KIAA1217: variants seen among roughly 807,000 people sequenced by gnomAD.
The protein encoded by KIAA1217 is sickle tail protein homolog.
Under a neutral mutation model 163.9 loss-of-function variants are expected in KIAA1217, and 88 were observed. The ratio of observed to expected loss-of-function variants is 0.54; its 90% CI spans 0.45 to 0.64. KIAA1217 has a LOEUF of 0.64. Ranked by LOEUF, KIAA1217 falls within the 30% of genes least tolerant of loss-of-function variation. The pLI, the probability that KIAA1217 is intolerant of heterozygous loss-of-function variation, is 0.00. For missense variants in KIAA1217, 2,372 were observed against 2,475.0 expected (o/e 0.96, Z 0.88); for synonymous variants, 903 against 923.1 (o/e 0.98, Z 0.39).
chr10:23,850,495 A>T (rs904050204), intron 1 of KIAA1217, among the ~76,000 whole-genome samples: 1 of 152,132 alleles, frequency 6.6e-6, no homozygotes, highest in Non-Finnish European at 1.5e-5. Context: ...CCTCTGCACT[A>T]CTCAACTGTG....
At chr10:24,234,762 C>A (rs1342330587) in intron 2 of KIAA1217, among the ~76,000 whole-genome samples, 1 of 151,716 alleles carries the variant, frequency 6.6e-6, no homozygotes, top group African/African-American at 2.4e-5. Context: ...CGTCCACTAG[C>A]ATTTAGTGTA....
At chr10:23,777,041 A>G (rs923557127) in intron 1 of KIAA1217, among the ~76,000 whole-genome samples, 9 of 152,104 alleles carry the variant, frequency 5.9e-5, no homozygotes, top group African/African-American at 2.2e-4. Flanking sequence ...AATTTCTCTC[A>G]TGAGCATATC....
chr10:24,026,742 A>ATTTTTTTTTTTTTTTTTTTTTTTTCTTTT, intron 2 of KIAA1217, among the ~76,000 whole-genome samples: 1 of 70,082 alleles, frequency 1.4e-5, no homozygotes, highest in African/African-American at 5.9e-5. Flanking sequence ...TATTTCATTG[A>ATTTTTTTTTTTTTTTTTTTTTTTTCTTTT]TTTTTTTTTT....
rs575806146 is a variant in KIAA1217 at position 24,134,149 on chromosome 10, T to C, written c.-170-85477T>C. ...CAAGGGTGTTTAAGGAAGGGCTTCA[T>C]GGAGATGAAGGTGTATGCACCAGAC... On this transcript the variant is annotated intron_variant, in intron 2 of 18. Coordinates refer to the KIAA1217 transcript ENST00000376462. 5.3e-5 allele frequency among the ~76,000 whole-genome samples: 8 copies of C among 152,316 alleles called. No homozygotes were observed. In the South Asian group the frequency reaches 1.7e-3, roughly 32 times the overall value.
At chr10:23,731,661 C>T (rs372465464) in intron 1 of KIAA1217, among the ~76,000 whole-genome samples, 6 of 152,256 alleles carry the variant, frequency 3.9e-5, no homozygotes, top group East Asian at 3.9e-4. Context: ...ACTCAGTTTT[C>T]GTCCTTGCCT....
intron 6 of KIAA1217, among the ~76,000 whole-genome samples, chr10:24,484,241 A>ATATATATATATATTTTTTTTT (rs1376083298): frequency 2.7e-5 from 2 of 75,152 alleles, no homozygotes; most frequent in African/African-American, 4.9e-5. Flanking sequence ...ATATATATAT[A>ATATATATATATATTTTTTTTT]TTTTTTTTTT....
intron 2 of KIAA1217, among the ~76,000 whole-genome samples, chr10:24,149,654 ATACACT>A (rs1373624633): frequency 6.6e-6 from 1 of 152,222 alleles, no homozygotes; most frequent in Non-Finnish European, 1.5e-5. Flanking sequence ...GAGTACACAA[ATACACT>A]TAGCTAGAAG....
intron 1 of KIAA1217, among the ~76,000 whole-genome samples, chr10:23,910,185 A>T (rs758634417): frequency 6.6e-6 from 1 of 152,068 alleles, no homozygotes; most frequent in Non-Finnish European, 1.5e-5. Context: ...CATTAGGAGA[A>T]ATACCTGATG....
chr10:24,207,313 C>CACACACACAT (rs1281370691), upstream of KIAA1217, among the ~76,000 whole-genome samples: 1 of 150,594 alleles, frequency 6.6e-6, no homozygotes, highest in African/African-American at 2.5e-5. Flanking sequence ...CACACACACA[C>CACACACACAT]ACATACTTTT....
intron 2 of KIAA1217, among the ~76,000 whole-genome samples, chr10:24,067,651 C>G (rs1248911140): frequency 6.6e-6 from 1 of 152,200 alleles, no homozygotes; most frequent in Non-Finnish European, 1.5e-5. Context: ...GCTGGGAGAA[C>G]CACTACTCTC....
intron 1 of KIAA1217, among the ~76,000 whole-genome samples, chr10:23,998,491 T>C (rs1846601834): frequency 1.3e-5 from 2 of 152,358 alleles, no homozygotes; most frequent in Middle Eastern, 3.4e-3. Flanking sequence ...AGAGCAAGCA[T>C]TGCCCGACCT....
At chr10:24,371,534 G>T (rs1360646747) in intron 2 of KIAA1217, among the ~76,000 whole-genome samples, 3 of 152,186 alleles carry the variant, frequency 2.0e-5, no homozygotes, top group African/African-American at 7.2e-5. Flanking sequence ...TGATTTGATG[G>T]CCTTGGCGCT....
intron 2 of KIAA1217, among the ~76,000 whole-genome samples, chr10:24,151,730 G>C (rs2131859895): frequency 6.6e-6 from 1 of 151,660 alleles, no homozygotes; most frequent in Non-Finnish European, 1.5e-5. Context: ...TGCACCACTG[G>C]CTCTTTGTGT....
intron 13 of KIAA1217, among the ~76,000 whole-genome samples, chr10:24,527,137 G>T (rs1165791350): frequency 6.6e-6 from 1 of 151,882 alleles, no homozygotes; most frequent in South Asian, 2.1e-4. Flanking sequence ...GAGTTTACAG[G>T]TCATCTAAAT....
chr10:23,749,790 GTT>G (rs1024539344), intron 1 of KIAA1217, among the ~76,000 whole-genome samples: 14 of 152,154 alleles, frequency 9.2e-5, no homozygotes, highest in African/African-American at 1.7e-4. Flanking sequence ...GCATACAGAT[GTT>G]TTCCAAATTT....
chr10:24,208,753 C>T (rs1041137919), upstream of KIAA1217: 7 of 157,864 alleles, frequency 4.4e-5, no homozygotes, highest in Non-Finnish European at 7.0e-5. Flanking sequence ...AGGCTCTCGG[C>T]CTTAATCATG....
chr10:24,543,783 A>G lies in KIAA1217; in HGVS notation c.4513A>G (p.Lys1505Glu), dbSNP rs776169222. ...TAACACTTCCCAGATGTCTCATAAGAAGGTGGCCCCAGGCAATCTTAGAAC... is the reference window on the plus strand; with the variant it reads ...TAACACTTCCCAGATGTCTCATAAGGAGGTGGCCCCAGGCAATCTTAGAAC... ...NNNTSQMSHK[K>E]VAPGNLRTGQ... Residue 1505 changes from lysine to glutamate, a missense_variant, in exon 19 of 21, where the codon AAG becomes GAG. Transcript: ENST00000376454. The G allele has an allele frequency of 3.7e-6, 6 of 1,613,698 alleles. No homozygotes were observed. Among genetic ancestry groups the G allele is most frequent in the Non-Finnish European group, 5.1e-6 (6 of 1,179,816 alleles).
At chr10:23,757,236 C>T (rs1009118576) in intron 1 of KIAA1217, among the ~76,000 whole-genome samples, 1 of 152,084 alleles carries the variant, frequency 6.6e-6, no homozygotes, top group Non-Finnish European at 1.5e-5. Flanking sequence ...GGTATATACT[C>T]AGTAGGAAAA....
chr10:23,856,008 A>G (rs2131115812), intron 1 of KIAA1217, among the ~76,000 whole-genome samples: 1 of 151,976 alleles, frequency 6.6e-6, no homozygotes, highest in East Asian at 1.9e-4. Context: ...TCTTCTCTCA[A>G]CTCGTGAAAG....
Sources: allele counts gnomAD v4.1 joint callset (sites outside exome capture counted in the v4.1 genomes callset), GRCh38; gene constraint gnomAD v4.1.1; transcripts MANE v1.5; gene names NCBI Gene and HGNC (gene_info 2026-07-23, HGNC 2026-07-21).